KCNC1: variants seen among roughly 807,000 people sequenced by gnomAD.
KCNC1 encodes potassium voltage-gated channel subfamily C member 1.
A neutral mutation model predicts 43.4 loss-of-function variants in KCNC1; 8 were observed. That is an observed-to-expected ratio of 0.18 (90% CI 0.11 to 0.33). The LOEUF is 0.33. Among genes scored for constraint, KCNC1 ranks in the 10% least tolerant of loss-of-function variants. KCNC1 has a pLI of 1.00. For missense variants in KCNC1, 420 were observed against 836.0 expected (o/e 0.50, Z 6.14); for synonymous variants, 361 against 360.5 (o/e 1.00, Z -0.01).
Position 17,773,996 on chromosome 11 carries a change from G to T in KCNC1, c.1504+1398G>T, listed in dbSNP as rs754822564. 331 of 985,342 alleles carry T rather than the reference G, an allele frequency of 3.4e-4. No homozygotes were observed. The highest frequency in any genetic ancestry group is 3.8e-4 in the Non-Finnish European group (319 of 829,982). 61.0% of individuals were successfully genotyped at this position (985,342 alleles called of 1,614,324 possible). On this transcript the variant is annotated intron_variant, in intron 2 of 3. Coordinates refer to ENST00000265969, the MANE Select transcript of KCNC1 (RefSeq NM_001112741.2). The surrounding 1 kb of genome is among the most constrained non-coding windows in gnomAD (Gnocchi z 4.1). The stretch of plus-strand genomic sequence containing the variant: ...GATTGATTTTCTTCCCTGCTATCGC[G>T]CTCTCTGACCCACCACCCCATCCCA...
intron 1 of KCNC1, among the ~76,000 whole-genome samples, chr11:17,754,356 G>A (rs1179941217): frequency 1.3e-5 from 2 of 152,328 alleles, no homozygotes; most frequent in East Asian, 1.9e-4. Flanking sequence ...CCAGTGTAGC[G>A]CTTCCGTTAC....
intron 1 of KCNC1, among the ~76,000 whole-genome samples, chr11:17,746,497 T>C (rs1190559226): frequency 6.6e-6 from 1 of 152,068 alleles, no homozygotes; most frequent in South Asian, 2.1e-4. Context: ...GCCAGGCTCT[T>C]TTCCTACCTC....
chr11:17,759,202 A>C (rs898400099), intron 1 of KCNC1, among the ~76,000 whole-genome samples: 6 of 152,172 alleles, frequency 3.9e-5, no homozygotes, highest in African/African-American at 7.2e-5. Context: ...CTGATGAACC[A>C]ACTTCTGCTA....
rs780657963 is a variant in KCNC1 at position 17,736,485 on chromosome 11, G to A, written c.483G>A (p.Pro161=). The change falls in exon 1 of 4, where the codon CCG becomes CCA. Residue 161 remains proline, a synonymous_variant. Transcript: ENST00000265969. This position sits in a 1 kb window ranked among gnomAD's most constrained non-coding sequence, Gnocchi z 9.3. ...AGCGCCTGGCGCTCAGTGACTCCCCGGATGGCCGGCCTGGCGGCTTTTGGC... is the reference window on the plus strand; with the variant it reads ...AGCGCCTGGCGCTCAGTGACTCCCCAGATGGCCGGCCTGGCGGCTTTTGGC... The part of the protein sequence containing the change: ...MTKRLALSDS[P]DGRPGGFWRR... The A allele has an allele frequency of 6.3e-7, 1 of 1,596,504 alleles. No homozygotes were observed. The highest frequency in any genetic ancestry group is 1.7e-5 in the Admixed American group (1 of 59,002).
Position 17,775,915 on chromosome 11 carries a change from C to G in KCNC1, c.1504+3317C>G. On this transcript the variant is annotated intron_variant, in intron 2 of 3. Coordinates refer to ENST00000265969, the MANE Select transcript of KCNC1 (RefSeq NM_001112741.2). ...CTTTGGCAAAGGGGTCTAAAGTCCC[C>G]TATCCCCAGCCCCTCTACTTCCCCT... The G allele has an allele frequency of 3.0e-6, 3 of 985,552 alleles. No homozygotes were observed. In the South Asian group the frequency reaches 1.4e-4, roughly 46 times the overall value. 61.1% of individuals were successfully genotyped at this position (985,552 alleles called of 1,614,324 possible).
Position 17,781,843 on chromosome 11 carries a change from G to A in KCNC1, c.*109G>A, listed in dbSNP as rs1204828415. 4 of 743,276 alleles carry A rather than the reference G, an allele frequency of 5.4e-6. No individual in the cohort carries two copies. Among genetic ancestry groups the A allele is most frequent in the Admixed American group, 2.2e-5 (1 of 44,938 alleles). The allele number at this position is 743,276 out of a possible 1,614,324, so 46.0% of individuals were successfully genotyped here. A position where few individuals can be genotyped will look rare whatever the true frequency, so the allele number is the denominator to read the frequency against. On this transcript the variant is annotated 3_prime_UTR_variant, in exon 4 of 4. Coordinates refer to ENST00000265969, the MANE Select transcript of KCNC1 (RefSeq NM_001112741.2). The surrounding 1 kb of genome is among the most constrained non-coding windows in gnomAD (Gnocchi z 5.1). ...TTCACGCCATGCAGGTTTGCCGGAC[G>A]AGTCCGAGTGGCCCAGGCATTGTAC...
chr11:17,781,331 T>C lies in KCNC1; in HGVS notation c.1694-339T>C, dbSNP rs1017998691. 3.9e-6 allele frequency: 1 copy of C among 258,786 alleles called. No individual in the cohort carries two copies. Among genetic ancestry groups the C allele is most frequent in the Non-Finnish European group, 7.4e-6 (1 of 135,812 alleles). 16.0% of individuals were successfully genotyped at this position (258,786 alleles called of 1,614,324 possible). A position where few individuals can be genotyped will look rare whatever the true frequency, so the allele number is the denominator to read the frequency against. ...TCTTTGGGAGGCGCTAAGGGTGAAG[T>C]GTCCCCACCTACATCCATTCGGCCC... On this transcript the variant is annotated intron_variant, in intron 3 of 3. Transcript: ENST00000265969. The surrounding 1 kb of genome is among the most constrained non-coding windows in gnomAD (Gnocchi z 5.1).
At chr11:17,747,356 G>A (rs10766426) in intron 1 of KCNC1, among the ~76,000 whole-genome samples, 9 of 152,064 alleles carry the variant, frequency 5.9e-5, no homozygotes, top group African/African-American at 1.9e-4. Context: ...ATGATGGAAC[G>A]TCCGCCTGCC....
rs1848806464 is a variant in KCNC1, at chr11:17,739,190, C to G, written c.570+2618C>G. ...CACGGGGCCCCGAGACTCCTCACAC[C>G]AGCGGGTCGGGACTTAAGTCGTTAT... On this transcript the variant is annotated intron_variant, in intron 1 of 3. Coordinates refer to ENST00000265969, the MANE Select transcript of KCNC1 (RefSeq NM_001112741.2). This position sits in a 1 kb window ranked among gnomAD's most constrained non-coding sequence, Gnocchi z 4.2. 6.6e-6 allele frequency among the ~76,000 whole-genome samples: 1 copy of G among 152,192 alleles called. No homozygotes were observed. Among genetic ancestry groups the G allele is most frequent in the African/African-American group, 2.4e-5 (1 of 41,436 alleles).
At chr11:17,768,612 T>TG (rs71457883) in intron 1 of KCNC1, among the ~76,000 whole-genome samples, 45,743 of 103,488 alleles carry the variant, frequency 0.44, 11,598 homozygotes, top group East Asian at 0.78. Context: ...TGGATGTTGG[T>TG]GGGGGGGGGG....
chr11:17,772,714 A>G, intron 2 of KCNC1, 116 bp downstream of exon 2: 1 of 1,523,914 alleles, frequency 6.6e-7, no homozygotes, highest in Non-Finnish European at 8.8e-7. Context: ...CGGACCCCGC[A>G]CTCAGTCTGG....
chr11:17,776,055 G>A lies in KCNC1; in HGVS notation c.1505-3401G>A. 1.0e-6 allele frequency: 1 copy of A among 985,470 alleles called. No homozygotes were observed. The highest frequency in any genetic ancestry group is 1.2e-6 in the Non-Finnish European group (1 of 829,970). 61.0% of individuals were successfully genotyped at this position (985,470 alleles called of 1,614,324 possible). Reference sequence around the variant, plus strand: ...AGAGAGTTTCTGCAGGGACCCAGCTGCAGGGTCAGCAGCCTGTGGGCCCTG... The same window carrying A: ...AGAGAGTTTCTGCAGGGACCCAGCTACAGGGTCAGCAGCCTGTGGGCCCTG... On this transcript the variant is annotated intron_variant, in intron 2 of 3. Transcript: ENST00000265969. The surrounding 1 kb of genome is among the most constrained non-coding windows in gnomAD (Gnocchi z 4.4).
At chr11:17,763,262 C>T (rs530374316) in intron 1 of KCNC1, among the ~76,000 whole-genome samples, 3 of 152,068 alleles carry the variant, frequency 2.0e-5, no homozygotes, top group East Asian at 1.9e-4. Context: ...TGAGCTGGGC[C>T]GGCTCAGCCC....
intron 2 of KCNC1, among the ~76,000 whole-genome samples, chr11:17,778,267 A>G (rs773302184): frequency 2.0e-5 from 3 of 152,080 alleles, no homozygotes; most frequent in Non-Finnish European, 4.4e-5. Flanking sequence ...TCGCAGAGAG[A>G]CAGAGCTCCT....
chr11:17,782,083 G>GA lies in KCNC1; in HGVS notation c.*354dup, dbSNP rs1849351590. On this transcript the variant is annotated 3_prime_UTR_variant, in exon 4 of 4. Coordinates refer to ENST00000265969, the MANE Select transcript of KCNC1 (RefSeq NM_001112741.2). ...TTACCCTGAACAACAATAATGAAAA[G>GA]AAAAACATCAAAGCCCTCTATTTTC... The GA allele has an allele frequency of 4.1e-6, 1 of 244,962 alleles. No individual in the cohort carries two copies. The highest frequency in any genetic ancestry group is 7.7e-6 in the Non-Finnish European group (1 of 129,496). 15.2% of individuals were successfully genotyped at this position (244,962 alleles called of 1,614,324 possible).
chr11:17,776,511 C>T lies in KCNC1; in HGVS notation c.1505-2945C>T, dbSNP rs1849289895. 2 of 985,338 alleles carry T rather than the reference C, an allele frequency of 2.0e-6. No homozygotes were observed. The highest frequency in any genetic ancestry group is 9.4e-5 in the South Asian group (2 of 21,292). 61.0% of individuals were successfully genotyped at this position (985,338 alleles called of 1,614,324 possible). The stretch of plus-strand genomic sequence containing the variant: ...GACTGAGGGCCCAGCCTCGGGTTCT[C>T]CTTGCTCCAAAGTTTAAAAAAAAAT... On this transcript the variant is annotated intron_variant, in intron 2 of 3. Coordinates refer to ENST00000265969, the MANE Select transcript of KCNC1 (RefSeq NM_001112741.2). This position sits in a 1 kb window ranked among gnomAD's most constrained non-coding sequence, Gnocchi z 4.4.
intron 2 of KCNC1, chr11:17,775,252 T>A (rs1465988800): frequency 1.0e-6 from 1 of 985,500 alleles, no homozygotes; most frequent in African/African-American, 1.7e-5. Context: ...AGTTAGGGGC[T>A]GTGTGTGGCA....
At chr11:17,762,088 G>C (rs1017026691) in intron 1 of KCNC1, among the ~76,000 whole-genome samples, 1 of 152,194 alleles carries the variant, frequency 6.6e-6, no homozygotes, top group African/African-American at 2.4e-5. Context: ...TCCCTCTGAG[G>C]CCGTCTCCTC....
Position 17,739,450 on chromosome 11 carries a change from TG to T in KCNC1, c.570+2879del, listed in dbSNP as rs1254181231. 6.7e-6 allele frequency among the ~76,000 whole-genome samples: 1 copy of T among 149,984 alleles called. No individual in the cohort carries two copies. The highest frequency in any genetic ancestry group is 1.5e-5 in the Non-Finnish European group (1 of 67,746). On this transcript the variant is annotated intron_variant, in intron 1 of 3. Coordinates refer to ENST00000265969, the MANE Select transcript of KCNC1 (RefSeq NM_001112741.2). This position sits in a 1 kb window ranked among gnomAD's most constrained non-coding sequence, Gnocchi z 4.2. The stretch of plus-strand genomic sequence containing the variant: ...TCCTGAGTCCTTGTGTCAGGGGTTG[TG>T]TGTGTGAGAGAGGCGGATTCTGTGT...
Sources: allele counts gnomAD v4.1 joint callset (sites outside exome capture counted in the v4.1 genomes callset), GRCh38; gene constraint gnomAD v4.1.1; non-coding constraint Gnocchi (gnomAD v3.1); transcripts MANE v1.5; gene names NCBI Gene and HGNC (gene_info 2026-07-23, HGNC 2026-07-21).